Variants in ZSCAN1 observed in about 807,000 individuals in gnomAD.
ZSCAN1 encodes the protein zinc finger and SCAN domain-containing protein 1.
ZSCAN1 carries 23 observed loss-of-function variants against 23.8 expected under a neutral mutation model. The ratio of observed to expected loss-of-function variants is 0.97; its 90% CI spans 0.70 to 1.37. The LOEUF is 1.37. Among genes scored for constraint, ZSCAN1 ranks in the 40% most tolerant of loss-of-function variants. The pLI is 0.00. For synonymous variants in ZSCAN1, 236 were observed against 232.3 expected, an observed-to-expected ratio of 1.02 and a Z score of -0.15; for missense variants, 575 against 554.0, an observed-to-expected ratio of 1.04 and a Z score of -0.38.
intron 2 of ZSCAN1, 71 bp from the exon 3 acceptor site, chr19:58,037,657 A>G: frequency 4.1e-6 from 3 of 727,690 alleles, no homozygotes; most frequent in Non-Finnish European, 6.2e-6. Flanking sequence ...GGAAGTAAGG[A>G]GCCGAGGGGC....
chr19:58,038,511 T>TCGCC, intron 3 of ZSCAN1: 1 of 558,324 alleles, frequency 1.8e-6, no homozygotes, highest in Non-Finnish European at 3.1e-6. Flanking sequence ...GGACGCTGCC[T>TCGCC]CGCCACTTCC....
In ZSCAN1 at chr19:58,040,331, C is replaced by T. The variant is rs1388628966; in HGVS notation, c.371-119C>T. Reference sequence around the variant, plus strand: ...AATGACAGCCCTGCAGCCACTCTTGCCTGCGCCTCAGGGGTGCTGCAGGGA... The same window carrying T: ...AATGACAGCCCTGCAGCCACTCTTGTCTGCGCCTCAGGGGTGCTGCAGGGA... On this transcript the variant is annotated intron_variant, in intron 3 of 5. Transcript: ENST00000282326. This position sits in a 1 kb window ranked among gnomAD's most constrained non-coding sequence, Gnocchi z 5.8. The T allele has an allele frequency of 9.8e-7, 1 of 1,023,034 alleles. No homozygotes were observed. The highest frequency in any genetic ancestry group is 2.4e-5 in the East Asian group (1 of 41,548). The allele number at this position is 1,023,034 out of a possible 1,614,324, so 63.4% of individuals were successfully genotyped here.
At chr19:58,046,450 C>G (rs745368623) in intron 4 of ZSCAN1, 4 of 836,866 alleles carry the variant, frequency 4.8e-6, no homozygotes, top group Non-Finnish European at 8.5e-6. Context: ...GGAGATGGAC[C>G]AGTGGGCCAG....
At chr19:58,038,318 C>A in intron 3 of ZSCAN1, 112 bp downstream of exon 3, 2 of 1,401,342 alleles carry the variant, frequency 1.4e-6, no homozygotes, top group East Asian at 5.0e-5. Context: ...CGGCCCCTCC[C>A]GACCAGCAAA....
At chr19:58,046,378 AAG>A in intron 4 of ZSCAN1, 1 of 907,198 alleles carries the variant, frequency 1.1e-6, no homozygotes, top group East Asian at 2.4e-5. Flanking sequence ...TAAAGCCAGC[AAG>A]AGATTGACAA....
In ZSCAN1 at chr19:58,045,698, C is replaced by A; in HGVS notation, c.465+5154C>A. 1.0e-6 allele frequency: 1 copy of A among 952,962 alleles called. No individual in the cohort carries two copies. Among genetic ancestry groups the A allele is most frequent in the Non-Finnish European group, 1.7e-6 (1 of 581,598 alleles). 59.0% of individuals were successfully genotyped at this position (952,962 alleles called of 1,614,324 possible). On this transcript the variant is annotated intron_variant, in intron 4 of 5. Coordinates refer to ENST00000282326, the MANE Select transcript of ZSCAN1 (RefSeq NM_182572.4). The surrounding 1 kb of genome is among the most constrained non-coding windows in gnomAD (Gnocchi z 4.3). ...CTGAACGTCAAGGAGCTGCAGGCGGCATGTCGGGCACGAGGCATGCGGGCC... is the reference window on the plus strand; with the variant it reads ...CTGAACGTCAAGGAGCTGCAGGCGGAATGTCGGGCACGAGGCATGCGGGCC...
At chr19:58,054,986 G>A (rs1386811131), downstream of ZSCAN1, among the ~76,000 whole-genome samples, 1 of 152,168 alleles carries the variant, frequency 6.6e-6, no homozygotes, top group Non-Finnish European at 1.5e-5. This position sits in a 1 kb window ranked among gnomAD's most constrained non-coding sequence, Gnocchi z 4.2. Context: ...TGGGCAGGCG[G>A]TGACGTCACA....
downstream of ZSCAN1, among the ~76,000 whole-genome samples, chr19:58,055,012 C>T (rs1001288476): frequency 4.6e-5 from 7 of 152,184 alleles, no homozygotes; most frequent in Admixed American, 1.3e-4. Context: ...GAGCCAGCCT[C>T]GGACTCGGCT....
At position 58,040,661 on chromosome 19, in the gene ZSCAN1, A is replaced by G; in HGVS notation, c.465+117A>G. 9.8e-7 allele frequency: 1 copy of G among 1,018,174 alleles called. No individual in the cohort carries two copies. The highest frequency in any genetic ancestry group is 1.5e-5 in the South Asian group (1 of 68,004). 63.1% of individuals were successfully genotyped at this position (1,018,174 alleles called of 1,614,324 possible). A position where few individuals can be genotyped will look rare whatever the true frequency, so the allele number is the denominator to read the frequency against. On this transcript the variant is annotated intron_variant, in intron 4 of 5. Transcript: ENST00000282326. This position sits in a 1 kb window ranked among gnomAD's most constrained non-coding sequence, Gnocchi z 5.8. ...GTGTGAGGTTGTCCCCAGCGCTCCC[A>G]GGAAGCCCGGCCTCCAAACTCCCCG... is the stretch of plus-strand genomic sequence containing the variant.
Position 58,037,718 on chromosome 19 carries a change from CT to C in ZSCAN1, c.-109-9del. ...TGATGTGACCCCTCTGTCCCTGCCC[CT>C]CTCTGCAGGCCCCTGATTGCTGATT... is the stretch of plus-strand genomic sequence containing the variant. On this transcript the variant is annotated splice_polypyrimidine_tract_variant and intron_variant, in intron 2 of 5. Coordinates refer to ENST00000282326, the MANE Select transcript of ZSCAN1 (RefSeq NM_182572.4). 1 of 1,300,240 alleles carries C rather than the reference CT, an allele frequency of 7.7e-7. No homozygotes were observed. The highest frequency in any genetic ancestry group is 1.6e-5 in the South Asian group (1 of 63,384). 80.5% of individuals were successfully genotyped at this position (1,300,240 alleles called of 1,614,324 possible). A position where few individuals can be genotyped will look rare whatever the true frequency, so the allele number is the denominator to read the frequency against.
intron 1 of ZSCAN1, among the ~76,000 whole-genome samples, chr19:58,035,009 A>G (rs1482010849): frequency 6.6e-6 from 1 of 151,892 alleles, no homozygotes; most frequent in Non-Finnish European, 1.5e-5. Context: ...CCATCCCCGC[A>G]ATAGAATTTG....
intron 4 of ZSCAN1, among the ~76,000 whole-genome samples, chr19:58,048,331 C>G (rs934407076): frequency 6.6e-6 from 1 of 152,252 alleles, no homozygotes; most frequent in Admixed American, 6.5e-5. Context: ...AGTATACTAA[C>G]TGCCCTGGGG....
intron 4 of ZSCAN1, chr19:58,044,669 G>T: frequency 1.2e-6 from 1 of 810,042 alleles, no homozygotes; most frequent in Non-Finnish European, 2.1e-6. Flanking sequence ...CGCCCCGCGG[G>T]GTAGTCCGGG....
At chr19:58,041,892 C>T (rs1327604971) in intron 4 of ZSCAN1, among the ~76,000 whole-genome samples, 1 of 152,028 alleles carries the variant, frequency 6.6e-6, no homozygotes, top group Non-Finnish European at 1.5e-5. Context: ...CATCAACAGC[C>T]GGGCACAGTG....
chr19:58,039,918 AGGG>A (rs960942153), intron 3 of ZSCAN1, among the ~76,000 whole-genome samples: 1 of 151,018 alleles, frequency 6.6e-6, no homozygotes, highest in African/African-American at 2.5e-5. Flanking sequence ...AAAAATAAAT[AGGG>A]GGGGGTCTTG....
At chr19:58,038,699 C>G (rs1057159428) in intron 3 of ZSCAN1, among the ~76,000 whole-genome samples, 35 of 152,268 alleles carry the variant, frequency 2.3e-4, no homozygotes, top group African/African-American at 8.4e-4. Context: ...TCTCCTCTCT[C>G]AGCTCCCCTC....
In ZSCAN1 at chr19:58,037,750, C is replaced by T. The variant is rs2073748297; in HGVS notation, c.-87C>T. ...CAGGCCCCTGATTGCTGATTCTGTCCGCCTGCCACACCGGCTCTGTCCGGA... is the reference window on the plus strand; with the variant it reads ...CAGGCCCCTGATTGCTGATTCTGTCTGCCTGCCACACCGGCTCTGTCCGGA... On this transcript the variant is annotated 5_prime_UTR_variant, in exon 3 of 6. Transcript: ENST00000282326. 25 of 1,418,098 alleles carry T rather than the reference C, an allele frequency of 1.8e-5. No individual in the cohort carries two copies. Among genetic ancestry groups the T allele is most frequent in the East Asian group, 5.1e-5 (2 of 39,428 alleles). 87.8% of individuals were successfully genotyped at this position (1,418,098 alleles called of 1,614,324 possible). A position where few individuals can be genotyped will look rare whatever the true frequency, so the allele number is the denominator to read the frequency against.
chr19:58,044,342 G>A (rs1422444424), intron 4 of ZSCAN1, among the ~76,000 whole-genome samples: 1 of 151,854 alleles, frequency 6.6e-6, no homozygotes, highest in Non-Finnish European at 1.5e-5. Flanking sequence ...TTATCCCACA[G>A]AAAGGTTATG....
chr19:58,036,448 C>G (rs940244520), intron 2 of ZSCAN1, among the ~76,000 whole-genome samples: 5 of 151,252 alleles, frequency 3.3e-5, no homozygotes, highest in African/African-American at 1.2e-4. Context: ...TTAATGTTTT[C>G]TTCAGTTATA....
Sources: gnomAD v4.1 joint callset for allele counts (sites outside exome capture counted in the v4.1 genomes callset) on GRCh38, gnomAD v4.1.1 for gene constraint, Gnocchi (gnomAD v3.1) non-coding constraint, MANE v1.5 for transcripts, NCBI Gene and HGNC (gene_info 2026-07-23, HGNC 2026-07-21) for gene names.